The following KLF12 variants were observed in gnomAD, a reference collection of about 807,000 sequenced individuals.
KLF12 encodes KLF transcription factor 12.
KLF12 carries 9 observed loss-of-function variants against 37.8 expected under a neutral mutation model. The observed-to-expected ratio is 0.24, with a 90% confidence interval of 0.14 to 0.42. The LOEUF (loss-of-function observed/expected upper bound fraction) is 0.42. Ranked by LOEUF, KLF12 falls within the 10% of genes least tolerant of loss-of-function variation. The pLI is 1.00. For missense variants in KLF12, 411 were observed against 516.0 expected, an observed-to-expected ratio of 0.80 and a Z score of 1.97; for synonymous variants, 208 against 202.1, an observed-to-expected ratio of 1.03 and a Z score of -0.25.
At chr13:74,040,836 CT>C (rs1893382538) in intron 1 of KLF12, among the ~76,000 whole-genome samples, 1 of 152,194 alleles carries the variant, frequency 6.6e-6, no homozygotes, top group African/African-American at 2.4e-5. Flanking sequence ...TGAAAACCAG[CT>C]TTTCTGATTT....
At chr13:74,276,003 C>G in the KLF12 span, among the ~76,000 whole-genome samples, 3 of 149,230 alleles carry the variant, frequency 2.0e-5, no homozygotes, top group East Asian at 3.9e-4. Context: ...TATATATGTG[C>G]AGAACGTGCA....
chr13:74,176,583 C>A, the KLF12 span, among the ~76,000 whole-genome samples: 2 of 152,316 alleles, frequency 1.3e-5, no homozygotes, highest in East Asian at 3.9e-4. Flanking sequence ...ATTTCCTCAT[C>A]ATGAGCTCCT....
At chr13:73,890,225 T>C (rs1006379058) in intron 3 of KLF12, among the ~76,000 whole-genome samples, 1 of 152,104 alleles carries the variant, frequency 6.6e-6, no homozygotes, top group Non-Finnish European at 1.5e-5. Context: ...TCAAGGAGCA[T>C]GGACTTTACA....
the KLF12 span, among the ~76,000 whole-genome samples, chr13:74,143,310 A>C: frequency 1.3e-5 from 2 of 152,252 alleles, no homozygotes; most frequent in Admixed American, 6.5e-5. Flanking sequence ...TTCACAAATT[A>C]GTTTTTTGAT....
At chr13:74,270,160 G>A in the KLF12 span, among the ~76,000 whole-genome samples, 1 of 152,138 alleles carries the variant, frequency 6.6e-6, no homozygotes, top group Non-Finnish European at 1.5e-5. Context: ...CTGAGTAATA[G>A]GAGTGTCTTT....
In KLF12 at chr13:73,899,878, A is replaced by G. The variant is rs577423449; in HGVS notation, c.123+44103T>C. 2.6e-5 allele frequency among the ~76,000 whole-genome samples: 4 copies of G among 152,286 alleles called. No homozygotes were observed. The South Asian group carries it at 8.3e-4, about 32-fold the overall frequency. On this transcript the variant is annotated intron_variant, in intron 3 of 7. Transcript: ENST00000377669. ...TTACCTGGTTCTCCAGCTTGCAGAC[A>G]GCCTACTATGAGACTTCACAGCCTC...
At chr13:73,987,762 G>A (rs1891863348) in intron 2 of KLF12, among the ~76,000 whole-genome samples, 1 of 130,958 alleles carries the variant, frequency 7.6e-6, no homozygotes, top group African/African-American at 2.9e-5. Context: ...GGGGAAGAGA[G>A]GAAATTGGAG....
chr13:74,025,440 G>A (rs578179574), intron 1 of KLF12, among the ~76,000 whole-genome samples: 2 of 152,076 alleles, frequency 1.3e-5, no homozygotes, highest in African/African-American at 4.8e-5. Context: ...TAAAGTGTCT[G>A]AATATATCTG....
At chr13:73,787,789 A>G (rs928535510) in intron 5 of KLF12, among the ~76,000 whole-genome samples, 3 of 152,138 alleles carry the variant, frequency 2.0e-5, no homozygotes, top group Non-Finnish European at 4.4e-5. Context: ...TTCATAGAAA[A>G]TATTTTATTT....
rs187425605 is a variant in KLF12, at chr13:74,070,532, T to C, written c.-32+63207A>G. ...TTTTTCAAGATACAACTTTAGAGAC[T>C]GGACCCTGCCAGCAACAGCCACCAT... On this transcript the variant is annotated intron_variant, in intron 1 of 7. Coordinates refer to ENST00000377669, the MANE Select transcript of KLF12 (RefSeq NM_007249.5). Among the ~76,000 whole-genome samples the C allele has an allele frequency of 1.0e-3, 155 of 152,310 alleles. 1 individual carries two copies. The highest frequency in any genetic ancestry group is 2.7e-3 in the Admixed American group (41 of 15,300).
intron 4 of KLF12, among the ~76,000 whole-genome samples, chr13:73,840,136 G>A (rs1162121634): frequency 6.6e-6 from 1 of 151,996 alleles, no homozygotes; most frequent in Non-Finnish European, 1.5e-5. Context: ...CACAATTCTC[G>A]GTCCTCATTT....
chr13:73,937,830 C>T (rs889006552), intron 3 of KLF12, among the ~76,000 whole-genome samples: 3 of 152,084 alleles, frequency 2.0e-5, no homozygotes, highest in African/African-American at 7.2e-5. Context: ...TTATTAAAAT[C>T]AGTCTAACTC....
chr13:73,789,677 T>C (rs1399428508), intron 5 of KLF12, among the ~76,000 whole-genome samples: 1 of 108,630 alleles, frequency 9.2e-6, no homozygotes, highest in East Asian at 2.4e-4. Context: ...TCTAATCTTT[T>C]TTTTTTTTTT....
At chr13:74,030,215 A>G (rs1893079268) in intron 1 of KLF12, among the ~76,000 whole-genome samples, 1 of 152,054 alleles carries the variant, frequency 6.6e-6, no homozygotes, top group Non-Finnish European at 1.5e-5. Flanking sequence ...GGTAGCCAGG[A>G]CTCACTAGAA....
intron 4 of KLF12, among the ~76,000 whole-genome samples, chr13:73,836,766 T>A (rs139878177): frequency 2.1e-4 from 32 of 152,310 alleles, no homozygotes; most frequent in African/African-American, 7.7e-4. Flanking sequence ...ACATTCAATG[T>A]ACTAAATATT....
chr13:73,826,974 T>C (rs1031973410), intron 4 of KLF12, among the ~76,000 whole-genome samples: 2 of 152,090 alleles, frequency 1.3e-5, no homozygotes. Context: ...TACAGATGGG[T>C]TTCACCACAT....
At chr13:74,060,997 C>T (rs551145503) in intron 1 of KLF12, among the ~76,000 whole-genome samples, 5 of 152,178 alleles carry the variant, frequency 3.3e-5, no homozygotes, top group Non-Finnish European at 7.3e-5. Flanking sequence ...AAGTCTAGAC[C>T]TTGGTCCCTG....
the KLF12 span, among the ~76,000 whole-genome samples, chr13:74,213,397 C>G: frequency 6.6e-6 from 1 of 152,056 alleles, no homozygotes; most frequent in Non-Finnish European, 1.5e-5. Flanking sequence ...TCTTTTTTAA[C>G]AGATAAAGAG....
intron 3 of KLF12, among the ~76,000 whole-genome samples, chr13:73,856,875 T>TGAA (rs1226502920): frequency 6.6e-6 from 1 of 151,994 alleles, no homozygotes; most frequent in Non-Finnish European, 1.5e-5. Context: ...TAGTCCCAGC[T>TGAA]ACTCCAGAGG....
Sources: allele counts gnomAD v4.1 joint callset (sites outside exome capture counted in the v4.1 genomes callset), GRCh38; gene constraint gnomAD v4.1.1; transcripts MANE v1.5; gene names NCBI Gene and HGNC (gene_info 2026-07-23, HGNC 2026-07-21).